THBS4: variants seen among roughly 807,000 people sequenced by gnomAD.
THBS4 encodes thrombospondin-4.
A neutral mutation model predicts 115.7 loss-of-function variants in THBS4; 90 were observed. The ratio of observed to expected loss-of-function variants is 0.78; its 90% CI spans 0.66 to 0.93. The LOEUF (loss-of-function observed/expected upper bound fraction) is 0.93. Among genes scored for constraint, THBS4 ranks in the 40% least tolerant of loss-of-function variants. THBS4 has a pLI of 0.00. For synonymous variants in THBS4, 460 were observed against 479.3 expected (o/e 0.96, Z 0.53); for missense variants, 1,087 against 1,232.7 (o/e 0.88, Z 1.77).
At chr5:80,013,760 C>T (rs1308479998) in intron 2 of THBS4, among the ~76,000 whole-genome samples, 5 of 152,106 alleles carry the variant, frequency 3.3e-5, no homozygotes, top group Admixed American at 1.3e-4. Flanking sequence ...TTCATCTCCT[C>T]GTTTGTAAAA....
At chr5:80,058,636 T>C in intron 4 of THBS4, 72 bp from the exon 5 acceptor site, 1 of 1,280,688 alleles carries the variant, frequency 7.8e-7, no homozygotes, top group East Asian at 2.3e-5. Context: ...TCCTGGGGAA[T>C]AATTTGGTTT....
chr5:80,071,304 C>A (rs1834042835), intron 13 of THBS4, 124 bp downstream of exon 13: 3 of 1,462,066 alleles, frequency 2.1e-6, no homozygotes, highest in African/African-American at 2.9e-5. Context: ...TCATTGTGGC[C>A]TGCATCTGGA....
chr5:80,017,723 A>G (rs956214875), intron 2 of THBS4, among the ~76,000 whole-genome samples: 5 of 152,104 alleles, frequency 3.3e-5, no homozygotes, highest in African/African-American at 9.7e-5. Context: ...CAGACTTTCA[A>G]TTTGGATTCA....
chr5:80,029,596 T>G (rs1832544872), intron 2 of THBS4, among the ~76,000 whole-genome samples: 1 of 152,170 alleles, frequency 6.6e-6, no homozygotes, highest in Non-Finnish European at 1.5e-5. Flanking sequence ...TTTTCACACC[T>G]CTTTTCTTGC....
Position 80,076,993 on chromosome 5 carries a change from C to G in THBS4, c.2031C>G (p.Pro677=). The G allele has an allele frequency of 6.2e-7, 1 of 1,612,932 alleles. No individual in the cohort carries two copies. Among genetic ancestry groups the G allele is most frequent in the Non-Finnish European group, 8.5e-7 (1 of 1,179,510 alleles). The part of the protein sequence containing the change: ...DDNDGIPDLV[P]PGPDNCRLVP... ...ATGATGGTATCCCAGACCTGGTGCC[C>G]CCTGGACCAGACAACTGCCGGCTGG... The change falls in exon 16 of 22, where the codon CCC becomes CCG. Residue 677 remains proline, a synonymous_variant. Transcript: ENST00000350881.
intron 5 of THBS4, 144 bp from the exon 6 acceptor site, chr5:80,059,296 C>T (rs1303227046): frequency 4.9e-6 from 4 of 809,866 alleles, no homozygotes; most frequent in Non-Finnish European, 7.6e-6. Flanking sequence ...TGCCACTGCA[C>T]TCCAGCCTGG....
chr5:80,018,950 T>G (rs992248626), intron 2 of THBS4, among the ~76,000 whole-genome samples: 1 of 152,096 alleles, frequency 6.6e-6, no homozygotes, highest in Admixed American at 6.5e-5. Context: ...ATCTGCAGGA[T>G]TTTTTGAGAA....
chr5:80,055,659 G>C (rs774740346), intron 2 of THBS4, 126 bp from the exon 3 acceptor site: 1 of 1,339,654 alleles, frequency 7.5e-7, no homozygotes, highest in African/African-American at 1.5e-5. Context: ...CTCACATTCC[G>C]TCCAGCAACC....
chr5:80,054,395 A>C (rs1199108954), intron 2 of THBS4, among the ~76,000 whole-genome samples: 1 of 146,820 alleles, frequency 6.8e-6, no homozygotes, highest in African/African-American at 2.5e-5. Context: ...ATCTTGGCTC[A>C]CTGCAACCTC....
At chr5:79,997,406 A>G (rs10044700) in intron 1 of THBS4, among the ~76,000 whole-genome samples, 56,996 of 151,676 alleles carry the variant, frequency 0.38, 10,670 homozygotes, top group Middle Eastern at 0.42. Context: ...GTGTGTGTGT[A>G]TATATGAAGG....
rs779028881 is a variant in THBS4 at position 80,035,635 on chromosome 5, T to G, written c.88+10T>G. On this transcript the variant is annotated intron_variant, in intron 1 of 21. Transcript: ENST00000350881. The surrounding 1 kb of genome is among the most constrained non-coding windows in gnomAD (Gnocchi z 4.6). ...CAGGCCACCCCCCAGGGTAAGTGGG[T>G]TCGGGTCGGGCCTGGGAGCGCCGGG... The G allele has an allele frequency of 6.0e-6, 8 of 1,343,882 alleles. No individual in the cohort carries two copies. Among genetic ancestry groups the G allele is most frequent in the African/African-American group, 1.5e-5 (1 of 66,238 alleles). 83.2% of individuals were successfully genotyped at this position (1,343,882 alleles called of 1,614,324 possible). A position where few individuals can be genotyped will look rare whatever the true frequency, so the allele number is the denominator to read the frequency against.
rs149004198 is a variant in THBS4 at position 80,061,955 on chromosome 5, T to G, written c.1125+123T>G. The G allele has an allele frequency of 6.1e-4, 673 of 1,109,622 alleles. 3 individuals carry two copies. The African/African-American group carries it at 9.9e-3, about 16-fold the overall frequency. The allele number at this position is 1,109,622 out of a possible 1,614,324, so 68.7% of individuals were successfully genotyped here. ...GTCAAGGCCATGTGGAATGTCATGG[T>G]GCAAAATGAGCAAATTAGGAAGTTT... On this transcript the variant is annotated intron_variant, in intron 8 of 21. Coordinates refer to ENST00000350881, the MANE Select transcript of THBS4 (RefSeq NM_003248.6).
intron 21 of THBS4, 85 bp downstream of exon 21, chr5:80,082,630 C>A (rs571201392): frequency 1.2e-5 from 19 of 1,538,134 alleles, no homozygotes; most frequent in Admixed American, 1.7e-5. Flanking sequence ...CACTTCCCCC[C>A]CAAAAGCCCA....
rs933341628 is a variant in THBS4, at chr5:80,079,042, A to G, written c.2315-20A>G. On this transcript the variant is annotated intron_variant, in intron 18 of 21. Transcript: ENST00000350881. ...CTAGTGTGGTTTGTCTATTGTTCTA[A>G]TCTTATCTGGTCCCTACAGGGTACA... 5.6e-6 allele frequency: 9 copies of G among 1,612,150 alleles called. No homozygotes were observed. The highest frequency in any genetic ancestry group is 1.3e-5 in the African/African-American group (1 of 74,874).
At chr5:80,047,061 T>C (rs1833089939) in intron 2 of THBS4, among the ~76,000 whole-genome samples, 1 of 152,230 alleles carries the variant, frequency 6.6e-6, no homozygotes, top group Non-Finnish European at 1.5e-5. Flanking sequence ...CTAAGAGTTC[T>C]CTAATCAACA....
chr5:80,069,407 C>T (rs1833951497), intron 10 of THBS4, among the ~76,000 whole-genome samples: 1 of 152,294 alleles, frequency 6.6e-6, no homozygotes, highest in Admixed American at 6.5e-5. Context: ...CTGAATTCCT[C>T]ATGGTTGGGC....
intron 13 of THBS4, among the ~76,000 whole-genome samples, chr5:80,071,425 C>T (rs1279864226): frequency 6.6e-6 from 1 of 152,084 alleles, no homozygotes; most frequent in Non-Finnish European, 1.5e-5. Flanking sequence ...CTTTGTATGA[C>T]CCCTTCAAGC....
At chr5:80,069,818 AT>A (rs1422160815) in intron 10 of THBS4, among the ~76,000 whole-genome samples, 2 of 152,226 alleles carry the variant, frequency 1.3e-5, no homozygotes, top group African/African-American at 4.8e-5. Flanking sequence ...GAGAGCACAG[AT>A]GATTGAGAAT....
intron 1 of THBS4, among the ~76,000 whole-genome samples, chr5:79,995,370 C>T (rs1401088506): frequency 6.6e-6 from 1 of 152,150 alleles, no homozygotes; most frequent in Non-Finnish European, 1.5e-5. Flanking sequence ...CACCCTTCCG[C>T]TGAGCATTTT....
Sources: allele counts gnomAD v4.1 joint callset (sites outside exome capture counted in the v4.1 genomes callset), GRCh38; gene constraint gnomAD v4.1.1; non-coding constraint Gnocchi (gnomAD v3.1); transcripts MANE v1.5; gene names NCBI Gene and HGNC (gene_info 2026-07-23, HGNC 2026-07-21).